Variants in HRH2 observed in about 807,000 individuals in gnomAD.
The protein encoded by HRH2 is histamine H2 receptor.
HRH2 carries 4 observed loss-of-function variants against 20.1 expected under a neutral mutation model. The observed-to-expected ratio is 0.20, with a 90% CI of 0.10 to 0.45. HRH2 has a LOEUF of 0.45. Ranked by LOEUF, HRH2 falls within the 20% of genes least tolerant of loss-of-function variation. The pLI is 0.99. For synonymous variants in HRH2, 197 were observed against 200.7 expected (o/e 0.98, Z 0.16); for missense variants, 250 against 461.6 (o/e 0.54, Z 4.20).
In HRH2 at chr5:175,680,947, G is replaced by A. The variant is rs1003592631; in HGVS notation, c.-525-1762G>A. On this transcript the variant is annotated intron_variant, in intron 1 of 2. Coordinates refer to ENST00000636584, the MANE Select transcript of HRH2 (RefSeq NM_001367711.1). ...AAAAGGACTGAGGAAGGGAAGGAGG[G>A]GCGGGAGAGGAGAGAAGGAAAGGAT... Among the ~76,000 whole-genome samples, 5 of 152,094 alleles carry A rather than the reference G, an allele frequency of 3.3e-5. No homozygotes were observed. The East Asian group carries it at 7.7e-4, about 23-fold the overall frequency.
rs112032331 is a variant in HRH2 at position 175,699,783 on chromosome 5, C to T, written c.1077-7996C>T. Among the ~76,000 whole-genome samples, 9 of 152,170 alleles carry T rather than the reference C, an allele frequency of 5.9e-5. No individual in the cohort carries two copies. The South Asian group carries it at 1.0e-3, about 18-fold the overall frequency. On this transcript the variant is annotated intron_variant, in intron 2 of 2. Transcript: ENST00000636584. ...AGAGACAGGGTTTCACCGTGTTAGC[C>T]GGAATGGTCTTGATCTCCTGACCTC...
intron 2 of HRH2, among the ~76,000 whole-genome samples, chr5:175,689,648 A>G (rs1756293859): frequency 6.6e-6 from 1 of 152,200 alleles, no homozygotes. Flanking sequence ...TGTCACAATA[A>G]GTCTCCCTCC....
chr5:175,658,168 C>G lies in HRH2; in HGVS notation c.-526+13C>G, dbSNP rs1762621870. On this transcript the variant is annotated intron_variant, in intron 1 of 2. Coordinates refer to ENST00000636584, the MANE Select transcript of HRH2 (RefSeq NM_001367711.1). The stretch of plus-strand genomic sequence containing the variant: ...GCAGCAGCACCAGGTAACGCGGCCG[C>G]CGCCTCCCCGCGGGGCCTCGGCTCG... 6.6e-6 allele frequency: 1 copy of G among 151,930 alleles called. No individual in the cohort carries two copies. The highest frequency in any genetic ancestry group is 6.6e-5 in the Admixed American group (1 of 15,254). The allele number at this position is 151,930 out of a possible 1,614,324, so 9.4% of individuals were successfully genotyped here.
At chr5:175,665,006 A>G (rs561298103) in intron 1 of HRH2, among the ~76,000 whole-genome samples, 32 of 152,302 alleles carry the variant, frequency 2.1e-4, no homozygotes, top group Admixed American at 5.9e-4. Flanking sequence ...CCTTTTCTCC[A>G]GACAGTGCGG....
intron 1 of HRH2, among the ~76,000 whole-genome samples, chr5:175,659,362 G>A (rs1467710812): frequency 2.6e-5 from 4 of 152,092 alleles, no homozygotes; most frequent in South Asian, 2.1e-4. Flanking sequence ...GATAGATTAC[G>A]TTTTTTGACA....
chr5:175,682,203 GAA>G (rs1756004113), intron 1 of HRH2, among the ~76,000 whole-genome samples: 1 of 152,206 alleles, frequency 6.6e-6, no homozygotes, highest in Non-Finnish European at 1.5e-5. Flanking sequence ...ACCCTTTTCT[GAA>G]AAAGTTTGTC....
At chr5:175,674,226 G>A (rs916574947) in intron 1 of HRH2, among the ~76,000 whole-genome samples, 1 of 152,128 alleles carries the variant, frequency 6.6e-6, no homozygotes, top group African/African-American at 2.4e-5. Context: ...CGGCAGGGGG[G>A]GTCTGGGGAT....
chr5:175,672,098 T>C (rs746700642), intron 1 of HRH2, among the ~76,000 whole-genome samples: 11 of 152,158 alleles, frequency 7.2e-5, no homozygotes, highest in Non-Finnish European at 1.5e-4. Flanking sequence ...AAGAGACCTT[T>C]GAAATATTCT....
chr5:175,706,207 G>A (rs997211042), intron 2 of HRH2, among the ~76,000 whole-genome samples: 1 of 152,196 alleles, frequency 6.6e-6, no homozygotes, highest in African/African-American at 2.4e-5. Context: ...TAATCTGACA[G>A]GTGGTTCCAC....
chr5:175,675,609 T>C (rs1755728406), intron 1 of HRH2, among the ~76,000 whole-genome samples: 1 of 152,134 alleles, frequency 6.6e-6, no homozygotes, highest in South Asian at 2.1e-4. Context: ...AGAGGACTTT[T>C]TATAAAGGGG....
chr5:175,660,472 C>A (rs183411870), intron 1 of HRH2, among the ~76,000 whole-genome samples: 1 of 152,060 alleles, frequency 6.6e-6, no homozygotes, highest in Non-Finnish European at 1.5e-5. Context: ...GGCAGGGTCC[C>A]AAATATGTGG....
chr5:175,678,708 A>G (rs1346355172), intron 1 of HRH2, among the ~76,000 whole-genome samples: 2 of 152,214 alleles, frequency 1.3e-5, no homozygotes, highest in Non-Finnish European at 2.9e-5. Flanking sequence ...CCTGTTGTAC[A>G]TTATTGCCTG....
intron 1 of HRH2, among the ~76,000 whole-genome samples, chr5:175,670,274 A>ATT (rs57473415): frequency 0.032 from 4,873 of 151,362 alleles, 266 homozygotes; most frequent in African/African-American, 0.11. Context: ...CTCAAAGAAA[A>ATT]TTTTTTTTTT....
intron 2 of HRH2, among the ~76,000 whole-genome samples, chr5:175,699,781 G>A (rs1293274758): frequency 6.6e-6 from 1 of 152,132 alleles, no homozygotes; most frequent in African/African-American, 2.4e-5. Context: ...CACCGTGTTA[G>A]CCGGAATGGT....
chr5:175,679,275 ACT>A (rs1330124562), intron 1 of HRH2, among the ~76,000 whole-genome samples: 1 of 151,702 alleles, frequency 6.6e-6, no homozygotes, highest in African/African-American at 2.4e-5. Flanking sequence ...AAAACTCAAA[ACT>A]CTGCCCAATG....
Position 175,684,293 on chromosome 5 carries a change from C to T in HRH2, c.1060C>T (p.Gln354Ter). 1 of 1,613,946 alleles carries T rather than the reference C, an allele frequency of 6.2e-7. No homozygotes were observed. The highest frequency in any genetic ancestry group is 8.5e-7 in the Non-Finnish European group (1 of 1,179,914). Residue 354 changes from glutamine to a stop codon, truncating the protein, a stop_gained, in exon 2 of 3, where the codon CAG becomes TAG. Transcript: ENST00000636584. LOFTEE classifies it low-confidence loss of function (END_TRUNC). ...GAGTGGGACAGAAGTCACGGCCCCC[C>T]AGGGAGCCACAGACAGGTAATAGCC... is the stretch of plus-strand genomic sequence containing the variant. ...VWSGTEVTAP[Q>*]GATDRKPALS...
intron 2 of HRH2, among the ~76,000 whole-genome samples, chr5:175,697,964 G>A (rs1394862379): frequency 2.0e-5 from 3 of 152,164 alleles, no homozygotes; most frequent in Admixed American, 6.5e-5. Flanking sequence ...AGCCTCTTGT[G>A]AACTCCAGAG....
intron 2 of HRH2, among the ~76,000 whole-genome samples, chr5:175,690,905 C>CTTTA (rs1756350176): frequency 6.6e-6 from 1 of 152,258 alleles, no homozygotes; most frequent in African/African-American, 2.4e-5. Flanking sequence ...ACGGTGCTAT[C>CTTTA]TTTATTTTCC....
At chr5:175,668,389 C>T (rs1167640507) in intron 1 of HRH2, among the ~76,000 whole-genome samples, 1 of 152,194 alleles carries the variant, frequency 6.6e-6, no homozygotes, top group Non-Finnish European at 1.5e-5. Flanking sequence ...GAGACCCCCC[C>T]AGCTGTTGCT....
Sources: allele counts gnomAD v4.1 joint callset (sites outside exome capture counted in the v4.1 genomes callset), GRCh38; gene constraint gnomAD v4.1.1; transcripts MANE v1.5; gene names NCBI Gene and HGNC (gene_info 2026-07-23, HGNC 2026-07-21).